ATP10B: variants seen among roughly 807,000 people sequenced by gnomAD.
ATP10B encodes ATPase phospholipid transporting 10B (putative).
Under a neutral mutation model 141.2 loss-of-function variants are expected in ATP10B, and 122 were observed. The ratio of observed to expected loss-of-function variants is 0.86; its 90% confidence interval spans 0.75 to 1.00. The LOEUF (loss-of-function observed/expected upper bound fraction) is 1.00. Ranked by LOEUF, ATP10B falls within the 50% of genes least tolerant of loss-of-function variation. ATP10B has a pLI of 0.00. For synonymous variants in ATP10B, 685 were observed against 692.0 expected (o/e 0.99, Z 0.16); for missense variants, 1,876 against 1,825.3 (o/e 1.03, Z -0.51).
chr5:160,602,118 T>TA (rs1256455517), intron 21 of ATP10B, among the ~76,000 whole-genome samples: 11 of 151,832 alleles, frequency 7.2e-5, no homozygotes, highest in African/African-American at 1.7e-4. Flanking sequence ...GCAACAATAA[T>TA]AAAAAAAAGG....
chr5:160,566,719 A>G (rs1385547248), intron 25 of ATP10B, among the ~76,000 whole-genome samples: 6 of 152,216 alleles, frequency 3.9e-5, no homozygotes. Context: ...TATGCGGTGT[A>G]TGGAGAAAAT....
At chr5:160,790,157 C>A (rs970872185) in intron 1 of ATP10B, among the ~76,000 whole-genome samples, 3 of 152,032 alleles carry the variant, frequency 2.0e-5, no homozygotes, top group Admixed American at 6.6e-5. Context: ...TGGATGGTAC[C>A]CTGTCACCTT....
At chr5:160,604,501 C>T (rs1333369850) in intron 19 of ATP10B, among the ~76,000 whole-genome samples, 2 of 152,160 alleles carry the variant, frequency 1.3e-5, no homozygotes, top group Non-Finnish European at 2.9e-5. Context: ...CTCGGTCAAA[C>T]TTGAAATACC....
chr5:160,869,779 T>C, the ATP10B span, among the ~76,000 whole-genome samples: 1 of 152,104 alleles, frequency 6.6e-6, no homozygotes, highest in Non-Finnish European at 1.5e-5. Context: ...AAAGCTGAAC[T>C]GTAATGAACA....
intron 24 of ATP10B, among the ~76,000 whole-genome samples, chr5:160,578,952 CAT>C (rs1485070222): frequency 2.6e-5 from 4 of 152,144 alleles, no homozygotes; most frequent in South Asian, 2.1e-4. Context: ...GAGCTTTTTT[CAT>C]ATGTTTGTTG....
chr5:160,703,273 AG>A (rs1482953078), intron 3 of ATP10B, among the ~76,000 whole-genome samples: 1 of 152,174 alleles, frequency 6.6e-6, no homozygotes, highest in Non-Finnish European at 1.5e-5. Context: ...CAATGAAGTG[AG>A]TCACATACAT....
chr5:160,773,552 GT>G (rs1377099442), intron 2 of ATP10B, among the ~76,000 whole-genome samples: 1 of 152,126 alleles, frequency 6.6e-6, no homozygotes, highest in Non-Finnish European at 1.5e-5. Flanking sequence ...TATTTGTTAG[GT>G]ATATTAGCAG....
At chr5:160,765,354 T>C (rs1769323892) in intron 2 of ATP10B, among the ~76,000 whole-genome samples, 1 of 152,124 alleles carries the variant, frequency 6.6e-6, no homozygotes, top group Non-Finnish European at 1.5e-5. Flanking sequence ...CAAAACAGCA[T>C]GGTACTCGTA....
the ATP10B span, among the ~76,000 whole-genome samples, chr5:160,866,573 T>A: frequency 6.6e-6 from 1 of 152,130 alleles, no homozygotes; most frequent in Non-Finnish European, 1.5e-5. Context: ...CTTGGGAGGC[T>A]GAGGCAGGAG....
the ATP10B span, among the ~76,000 whole-genome samples, chr5:160,899,225 G>T: frequency 6.6e-6 from 1 of 152,038 alleles, no homozygotes; most frequent in Admixed American, 6.6e-5. Flanking sequence ...TATTGAAAGT[G>T]GGGGGGAGGG....
the ATP10B span, among the ~76,000 whole-genome samples, chr5:160,860,635 G>A: frequency 6.6e-6 from 1 of 151,962 alleles, no homozygotes; most frequent in Non-Finnish European, 1.5e-5. Flanking sequence ...ATCAGCAACT[G>A]CAGGTTGCCT....
At position 160,767,635 on chromosome 5, in the gene ATP10B, A is replaced by ACCCCC. The variant is rs531198402; in HGVS notation, c.-331+17919_-331+17923dup. ...ATGGTGTGAGGGTCATGTGTGCAGA[A>ACCCCC]CCCCCCCCCCCAAAATAACAGGTTA... On this transcript the variant is annotated intron_variant, in intron 2 of 25. Transcript: ENST00000327245. Among the ~76,000 whole-genome samples the ACCCCC allele has an allele frequency of 3.5e-3, 301 of 86,578 alleles. 10 individuals are homozygous for ACCCCC. The highest frequency in any genetic ancestry group is 7.1e-3 in the Middle Eastern group (1 of 140). The allele number at this position is 86,578 out of a possible 152,430, so 56.8% of individuals were successfully genotyped here.
At chr5:160,913,528 C>T in the ATP10B span, among the ~76,000 whole-genome samples, 1 of 152,130 alleles carries the variant, frequency 6.6e-6, no homozygotes, top group Non-Finnish European at 1.5e-5. Context: ...AGCTCGTTAT[C>T]CCGTCCATCC....
At chr5:160,911,904 G>A in the ATP10B span, among the ~76,000 whole-genome samples, 2 of 152,310 alleles carry the variant, frequency 1.3e-5, no homozygotes, top group South Asian at 4.2e-4. Flanking sequence ...TTAGACCGGT[G>A]TCTGGCAAAT....
At chr5:160,755,825 AAAAAAAAAAAAAAATAT>A (rs1302654215) in intron 2 of ATP10B, among the ~76,000 whole-genome samples, 2 of 67,670 alleles carry the variant, frequency 3.0e-5, no homozygotes, top group Admixed American at 2.3e-4. Context: ...AAAAAAAAAA[AAAAAAAAAAAAAAATAT>A]ATATATATAT....
At chr5:160,762,026 C>CAAAGAAAAAG (rs71285018) in intron 2 of ATP10B, among the ~76,000 whole-genome samples, 1 of 151,726 alleles carries the variant, frequency 6.6e-6, no homozygotes, top group Admixed American at 6.6e-5. Flanking sequence ...CCCACAAAGA[C>CAAAGAAAAAG]AATTTAAAAA....
the ATP10B span, among the ~76,000 whole-genome samples, chr5:160,889,457 C>T: frequency 6.6e-6 from 1 of 152,194 alleles, no homozygotes. Context: ...CCCCAAAGAA[C>T]TGATCAGCTG....
Position 160,727,706 on chromosome 5 carries a change from T to TA in ATP10B, c.-330-10673dup, listed in dbSNP as rs564690791. On this transcript the variant is annotated intron_variant, in intron 2 of 25. Coordinates refer to ENST00000327245, the MANE Select transcript of ATP10B (RefSeq NM_025153.3). ...GGTCATACAACCCATAAAGGAAAAT[T>TA]AAAAAAAATCTCAGGATCCCAAAGT... Among the ~76,000 whole-genome samples the TA allele has an allele frequency of 5.1e-4, 77 of 151,946 alleles. 1 individual carries two copies. The highest frequency in any genetic ancestry group is 9.9e-4 in the Non-Finnish European group (67 of 67,936).
chr5:160,596,876 G>C (rs1374394824), intron 22 of ATP10B, among the ~76,000 whole-genome samples: 5 of 152,128 alleles, frequency 3.3e-5, no homozygotes, highest in Admixed American at 1.3e-4. Context: ...ACAAACCACT[G>C]CTCAATGAAA....
Sources: gnomAD v4.1 joint callset for allele counts (sites outside exome capture counted in the v4.1 genomes callset) on GRCh38, gnomAD v4.1.1 for gene constraint, MANE v1.5 for transcripts, NCBI Gene and HGNC (gene_info 2026-07-23, HGNC 2026-07-21) for gene names.